Variants in CDH13 observed in about 807,000 individuals in gnomAD.
The protein encoded by CDH13 is cadherin 13.
Under a neutral mutation model 63.8 loss-of-function variants are expected in CDH13, and 24 were observed. The observed-to-expected ratio is 0.38, with a 90% confidence interval of 0.27 to 0.53. The LOEUF is 0.53. Among genes scored for constraint, CDH13 ranks in the 20% least tolerant of loss-of-function variants. CDH13 has a pLI of 0.85. For synonymous variants in CDH13, 503 were observed against 355.3 expected (o/e 1.42, Z -4.67); for missense variants, 1,049 against 903.1 (o/e 1.16, Z -2.07).
intron 5 of CDH13, among the ~76,000 whole-genome samples, chr16:83,318,652 A>G (rs2090156559): frequency 6.6e-6 from 1 of 152,120 alleles, no homozygotes; most frequent in Non-Finnish European, 1.5e-5. Context: ...TCTGTTACAC[A>G]GTGCACCTTC....
intron 2 of CDH13, among the ~76,000 whole-genome samples, chr16:82,916,392 C>T (rs753033598): frequency 2.0e-5 from 3 of 151,894 alleles, no homozygotes; most frequent in East Asian, 1.9e-4. Context: ...TGGCCAACAT[C>T]GTGAAACCCC....
chr16:83,117,743 C>A (rs2035374406), intron 3 of CDH13, among the ~76,000 whole-genome samples: 2 of 152,166 alleles, frequency 1.3e-5, no homozygotes, highest in African/African-American at 4.8e-5. Flanking sequence ...TCTCTTCCTG[C>A]CTTCCTGTTT....
At chr16:82,995,845 T>G (rs2151414970) in intron 2 of CDH13, among the ~76,000 whole-genome samples, 1 of 152,224 alleles carries the variant, frequency 6.6e-6, no homozygotes, top group South Asian at 2.1e-4. Context: ...GATTCAACCC[T>G]CTCGCGGGCT....
At chr16:83,090,904 T>C (rs2033874313) in intron 3 of CDH13, among the ~76,000 whole-genome samples, 1 of 146,818 alleles carries the variant, frequency 6.8e-6, no homozygotes, top group Non-Finnish European at 1.5e-5. Context: ...AAAAAAAAAG[T>C]CATTTGGGAA....
At chr16:83,395,566 A>C (rs1299674763) in intron 6 of CDH13, among the ~76,000 whole-genome samples, 1 of 151,920 alleles carries the variant, frequency 6.6e-6, no homozygotes, top group Non-Finnish European at 1.5e-5. Context: ...GCTCTCCCCA[A>C]CCCTCCCACA....
intron 1 of CDH13, among the ~76,000 whole-genome samples, chr16:82,707,944 C>T (rs1199947904): frequency 6.6e-6 from 1 of 152,154 alleles, no homozygotes; most frequent in East Asian, 1.9e-4. Context: ...ATAAGATGAG[C>T]CTTTATGTCA....
At chr16:82,963,465 C>T (rs140713584) in intron 2 of CDH13, among the ~76,000 whole-genome samples, 6 of 152,286 alleles carry the variant, frequency 3.9e-5, no homozygotes, top group African/African-American at 1.2e-4. Flanking sequence ...CTGTCCCCTA[C>T]GTCCTATGGT....
chr16:83,507,223 T>G (rs992106005), intron 7 of CDH13, among the ~76,000 whole-genome samples: 6 of 152,194 alleles, frequency 3.9e-5, no homozygotes, highest in Non-Finnish European at 7.3e-5. Context: ...AATGCCACTG[T>G]CACAAGGAAA....
intron 3 of CDH13, among the ~76,000 whole-genome samples, chr16:83,061,432 C>T (rs906315665): frequency 6.6e-6 from 1 of 152,188 alleles, no homozygotes; most frequent in Non-Finnish European, 1.5e-5. Flanking sequence ...GTGACCTTCT[C>T]CCTGTGCCAA....
chr16:83,590,021 T>A (rs893680654), intron 7 of CDH13, among the ~76,000 whole-genome samples: 1 of 152,054 alleles, frequency 6.6e-6, no homozygotes, highest in African/African-American at 2.4e-5. Flanking sequence ...TGAAAAAGCC[T>A]AAGAAGGTAT....
chr16:83,293,232 T>C (rs973627682), intron 5 of CDH13, among the ~76,000 whole-genome samples: 12 of 152,314 alleles, frequency 7.9e-5, no homozygotes, highest in South Asian at 2.1e-4. Flanking sequence ...CAGAGACTGG[T>C]CTGGCAGTAA....
At chr16:82,751,361 G>A (rs1393882504) in intron 1 of CDH13, among the ~76,000 whole-genome samples, 2 of 152,052 alleles carry the variant, frequency 1.3e-5, no homozygotes, top group African/African-American at 4.8e-5. Context: ...TGGAGCATGA[G>A]CTGGGGCTTG....
chr16:83,101,215 A>G (rs1461901261), intron 3 of CDH13, among the ~76,000 whole-genome samples: 1 of 150,926 alleles, frequency 6.6e-6, no homozygotes, highest in Non-Finnish European at 1.5e-5. Context: ...GTATGTATAT[A>G]TACATACATG....
chr16:83,518,909 C>T (rs146919441), intron 7 of CDH13, among the ~76,000 whole-genome samples: 1 of 152,196 alleles, frequency 6.6e-6, no homozygotes, highest in African/African-American at 2.4e-5. Context: ...GCTGAACTGT[C>T]AATTAAACTT....
chr16:82,983,604 G>C (rs1279618671), intron 2 of CDH13, among the ~76,000 whole-genome samples: 4 of 152,186 alleles, frequency 2.6e-5, no homozygotes, highest in Non-Finnish European at 5.9e-5. Context: ...AACAACAGAG[G>C]AATCTGTGAG....
At chr16:83,175,132 G>A (rs1056436537) in intron 4 of CDH13, among the ~76,000 whole-genome samples, 2 of 151,962 alleles carry the variant, frequency 1.3e-5, no homozygotes, top group East Asian at 1.9e-4. Context: ...GATATGAAAC[G>A]TTTCCATCAT....
intron 8 of CDH13, among the ~76,000 whole-genome samples, chr16:83,607,557 A>G (rs922392886): frequency 1.3e-5 from 2 of 152,224 alleles, no homozygotes; most frequent in Non-Finnish European, 2.9e-5. Flanking sequence ...ATAACAGAGC[A>G]TTTGCTGAAC....
At chr16:83,686,347 T>G (rs1008552034) in intron 10 of CDH13, among the ~76,000 whole-genome samples, 1 of 152,218 alleles carries the variant, frequency 6.6e-6, no homozygotes, top group African/African-American at 2.4e-5. Context: ...CAGAGCTTCC[T>G]CAGTACCATT....
intron 5 of CDH13, among the ~76,000 whole-genome samples, chr16:83,226,672 A>G (rs1346218276): frequency 6.6e-6 from 1 of 152,200 alleles, no homozygotes; most frequent in African/African-American, 2.4e-5. Context: ...AAGCATCGCA[A>G]TACATTGGGA....
Sources: gnomAD v4.1 joint callset for allele counts (sites outside exome capture counted in the v4.1 genomes callset) on GRCh38, gnomAD v4.1.1 for gene constraint, MANE v1.5 for transcripts, NCBI Gene and HGNC (gene_info 2026-07-23, HGNC 2026-07-21) for gene names.